The following BCL2L13 variants were observed in gnomAD, a reference collection of about 807,000 sequenced individuals.
BCL2L13 encodes BCL2 like 13, also known as bcl-2-like protein 13.
A neutral mutation model predicts 25.8 loss-of-function variants in BCL2L13; 13 were observed. The observed-to-expected ratio is 0.50, with a 90% CI of 0.33 to 0.80. The LOEUF is 0.80. Ranked by LOEUF, BCL2L13 falls within the 30% of genes least tolerant of loss-of-function variation. The pLI is 0.02. For missense variants in BCL2L13, 504 were observed against 574.9 expected (o/e 0.88, Z 1.26); for synonymous variants, 244 against 230.3 (o/e 1.06, Z -0.54).
intron 6 of BCL2L13, among the ~76,000 whole-genome samples, chr22:17,721,458 T>TA (rs1395908987): frequency 6.6e-6 from 1 of 151,512 alleles, no homozygotes; most frequent in Admixed American, 6.6e-5. Context: ...TCAGCGTGGT[T>TA]AAAAAAATAC....
chr22:17,652,018 G>A (rs1347736387), intron 1 of BCL2L13, among the ~76,000 whole-genome samples: 1 of 152,016 alleles, frequency 6.6e-6, no homozygotes, highest in Non-Finnish European at 1.5e-5. Context: ...CCAACTGCTT[G>A]TTCTGTATCA....
chr22:17,658,323 G>A (rs1420691872), intron 2 of BCL2L13, among the ~76,000 whole-genome samples: 1 of 152,084 alleles, frequency 6.6e-6, no homozygotes, highest in Non-Finnish European at 1.5e-5. Flanking sequence ...AGCCTTCAGT[G>A]TATTTCATAT....
intron 6 of BCL2L13, among the ~76,000 whole-genome samples, chr22:17,720,704 G>A (rs2061098285): frequency 6.7e-6 from 1 of 148,710 alleles, no homozygotes; most frequent in Non-Finnish European, 1.5e-5. Flanking sequence ...ATCTCACTGT[G>A]TTGCCCAGGT....
chr22:17,702,460 T>A, intron 6 of BCL2L13, 74 bp downstream of exon 6: 1 of 1,362,042 alleles, frequency 7.3e-7, no homozygotes, highest in Non-Finnish European at 9.7e-7. Flanking sequence ...AGAGATGGGT[T>A]CTTGCTGTGT....
intron 1 of BCL2L13, among the ~76,000 whole-genome samples, chr22:17,643,435 C>A (rs1172622557): frequency 6.6e-6 from 1 of 151,660 alleles, no homozygotes; most frequent in Non-Finnish European, 1.5e-5. Context: ...TTATTTTACT[C>A]TCTTTCAGAG....
At chr22:17,716,188 A>G (rs558923037) in intron 6 of BCL2L13, among the ~76,000 whole-genome samples, 11 of 152,166 alleles carry the variant, frequency 7.2e-5, no homozygotes, top group Non-Finnish European at 1.5e-4. Context: ...ATAAGAGAGG[A>G]AGATTAAGTA....
intron 3 of BCL2L13, among the ~76,000 whole-genome samples, chr22:17,687,515 A>G (rs1194370611): frequency 1.3e-5 from 2 of 150,332 alleles, no homozygotes; most frequent in Non-Finnish European, 3.0e-5. Flanking sequence ...TATTATTATT[A>G]TTATTATTTT....
At chr22:17,722,378 GGTGTGTGTGTGTGT>G (rs71315401) in intron 6 of BCL2L13, among the ~76,000 whole-genome samples, 1 of 122,066 alleles carries the variant, frequency 8.2e-6, no homozygotes, top group Non-Finnish European at 1.6e-5. Flanking sequence ...AGACTACAGG[GGTGTGTGTGTGTGT>G]GTGTGTGTGT....
chr22:17,727,024 C>T lies in BCL2L13; in HGVS notation c.948C>T (p.Pro316=), dbSNP rs769593795. The T allele has an allele frequency of 9.3e-6, 15 of 1,614,066 alleles. No individual in the cohort carries two copies. Among genetic ancestry groups the T allele is most frequent in the East Asian group, 4.5e-5 (2 of 44,892 alleles). Residue 316 remains proline (P), a synonymous_variant, in exon 7 of 7, where the codon CCC becomes CCT. Transcript: ENST00000317582. ...DIVHVEKEEV[P]EGMEEAAVAS... ...TGCACGTGGAGAAAGAAGAGGTGCC[C>T]GAGGGCATGGAAGAGGCTGCTGTGG...
rs993445576 is a variant in BCL2L13, at chr22:17,688,813, G to A, written c.230-173G>A. Among the ~76,000 whole-genome samples the A allele has an allele frequency of 6.6e-5, 10 of 150,900 alleles. 1 individual carries two copies. The highest frequency in any genetic ancestry group is 5.3e-4 in the Admixed American group (8 of 15,104). ...ACGGAGTTTCCCTCTTGTTGCCCAGGCTGGAGTGCAGTGGCGTGATCTTGG... is the reference window on the plus strand; with the variant it reads ...ACGGAGTTTCCCTCTTGTTGCCCAGACTGGAGTGCAGTGGCGTGATCTTGG... On this transcript the variant is annotated intron_variant, in intron 3 of 6. Coordinates refer to ENST00000317582, the MANE Select transcript of BCL2L13 (RefSeq NM_015367.4).
intron 2 of BCL2L13, among the ~76,000 whole-genome samples, chr22:17,682,674 A>G (rs1229380544): frequency 6.6e-6 from 1 of 152,212 alleles, no homozygotes; most frequent in African/African-American, 2.4e-5. Context: ...TGTTTCTGGC[A>G]GAAACATCTG....
upstream of BCL2L13, among the ~76,000 whole-genome samples, chr22:17,635,802 C>T (rs113510625): frequency 5.9e-5 from 9 of 151,992 alleles, no homozygotes; most frequent in Non-Finnish European, 7.4e-5. Flanking sequence ...CTCCGCCTCC[C>T]GGGTTCAAGT....
intron 6 of BCL2L13, among the ~76,000 whole-genome samples, chr22:17,708,993 T>C (rs2060664649): frequency 6.6e-6 from 1 of 152,156 alleles, no homozygotes; most frequent in East Asian, 1.9e-4. Context: ...ACCAGCACTT[T>C]GGGAGGCCGA....
intron 6 of BCL2L13, among the ~76,000 whole-genome samples, chr22:17,711,866 G>A (rs1398751217): frequency 6.6e-6 from 1 of 152,094 alleles, no homozygotes; most frequent in Non-Finnish European, 1.5e-5. Flanking sequence ...CACATCTTTT[G>A]ACATGGCATG....
At chr22:17,701,473 T>C (rs1311194053) in intron 5 of BCL2L13, among the ~76,000 whole-genome samples, 3 of 152,214 alleles carry the variant, frequency 2.0e-5, no homozygotes, top group Non-Finnish European at 4.4e-5. Flanking sequence ...ATTACACAAA[T>C]GGTACTGTAT....
chr22:17,729,858 C>G lies in BCL2L13; in HGVS notation c.*2324C>G, dbSNP rs2061373388. ...AGGATGTGGCAGCATCCCTGTTCTT[C>G]CTTCACGTCCTCACCCTCTGCCTCC... is the stretch of plus-strand genomic sequence containing the variant. On this transcript the variant is annotated 3_prime_UTR_variant, in exon 7 of 7. Transcript: ENST00000317582. The G allele has an allele frequency of 6.6e-6, 1 of 152,256 alleles. No homozygotes were observed. The highest frequency in any genetic ancestry group is 2.4e-5 in the African/African-American group (1 of 41,456). 9.4% of individuals were successfully genotyped at this position (152,256 alleles called of 1,614,324 possible).
chr22:17,726,958 T>C lies in BCL2L13; in HGVS notation c.882T>C (p.Ala294=), dbSNP rs763684661. ...TGAAAAGCTTAGACAGCAACGGAGC[T>C]GGAGAGAAGAGTGAGAACAACTCCT... is the stretch of plus-strand genomic sequence containing the variant. ...EEVKSLDSNG[A]GEKSENNSSN... is the part of the protein sequence containing the mutation. The change falls in exon 7 of 7, where the codon GCT becomes GCC. Residue 294 remains alanine, a synonymous_variant. Coordinates refer to ENST00000317582, the MANE Select transcript of BCL2L13 (RefSeq NM_015367.4). 6.2e-7 allele frequency: 1 copy of C among 1,614,160 alleles called. No homozygotes were observed. Among genetic ancestry groups the C allele is most frequent in the South Asian group, 1.1e-5 (1 of 91,084 alleles).
chr22:17,655,065 CT>C (rs58560639), intron 1 of BCL2L13, among the ~76,000 whole-genome samples: 127,838 of 150,540 alleles, frequency 0.85, 54,354 homozygotes, highest in East Asian at 0.94. Context: ...TTTAAATTTT[CT>C]TTTTTTTTTC....
intron 6 of BCL2L13, chr22:17,703,203 A>G (rs2060492369): frequency 6.6e-6 from 1 of 152,012 alleles, no homozygotes; most frequent in African/African-American, 2.4e-5. Context: ...GTATATGTAT[A>G]TACACACATG....
Sources: allele counts gnomAD v4.1 joint callset (sites outside exome capture counted in the v4.1 genomes callset), GRCh38; gene constraint gnomAD v4.1.1; transcripts MANE v1.5; gene names NCBI Gene and HGNC (gene_info 2026-07-23, HGNC 2026-07-21).